Variants in ATP2C1 observed in about 807,000 individuals in gnomAD.
The protein encoded by ATP2C1 is ATPase secretory pathway Ca2+ transporting 1, also known as calcium-transporting ATPase type 2C member 1.
A neutral mutation model predicts 120.5 loss-of-function variants in ATP2C1; 31 were observed. The observed-to-expected ratio is 0.26, with a 90% confidence interval of 0.19 to 0.35. The LOEUF is 0.35. Ranked by LOEUF, ATP2C1 falls within the 10% of genes least tolerant of loss-of-function variation. The pLI is 1.00. For synonymous variants in ATP2C1, 351 were observed against 358.7 expected (o/e 0.98, Z 0.24); for missense variants, 731 against 1,107.5 (o/e 0.66, Z 4.83).
In ATP2C1 at chr3:130,970,403, C is replaced by CAG. The variant is rs1249965190; in HGVS notation, c.1413+1008_1413+1009insGA. ...ACACACACACACACACACACACACA[C>CAG]ACACCCTTAAACTTTCCTTCACTCT... On this transcript the variant is annotated intron_variant, in intron 17 of 27. Coordinates refer to ENST00000510168, the MANE Select transcript of ATP2C1 (RefSeq NM_001378687.1). Among the ~76,000 whole-genome samples, 4 of 151,506 alleles carry CAG rather than the reference C, an allele frequency of 2.6e-5. No individual in the cohort carries two copies. The East Asian group carries it at 7.7e-4, about 29-fold the overall frequency.
intron 2 of ATP2C1, among the ~76,000 whole-genome samples, chr3:130,919,462 G>A (rs993909983): frequency 6.6e-6 from 1 of 151,866 alleles, no homozygotes; most frequent in Non-Finnish European, 1.5e-5. Context: ...CAGGTGATCC[G>A]CCTGCCTCAG....
At chr3:130,926,432 T>C (rs1453537085) in intron 2 of ATP2C1, among the ~76,000 whole-genome samples, 1 of 152,226 alleles carries the variant, frequency 6.6e-6, no homozygotes, top group Non-Finnish European at 1.5e-5. Context: ...CTGGAAAGCC[T>C]AGGTGATACT....
intron 1 of ATP2C1, among the ~76,000 whole-genome samples, chr3:130,882,945 T>C (rs566355802): frequency 6.6e-6 from 1 of 152,314 alleles, no homozygotes; most frequent in South Asian, 2.1e-4. Context: ...CTTTAAATGT[T>C]TGGTAGAATT....
chr3:130,911,026 G>C lies in ATP2C1; in HGVS notation c.6+16251G>C, dbSNP rs374722611. 3.8e-3 allele frequency among the ~76,000 whole-genome samples: 570 copies of C among 151,576 alleles called. 3 individuals are homozygous for C. The highest frequency in any genetic ancestry group is 0.012 in the African/African-American group (508 of 41,112). ...TGGAATAGTTTCAGAAGGAATGGTA[G>C]CAGTTCCTCCTTGTACCTCTGATAG... On this transcript the variant is annotated intron_variant, in intron 2 of 27. Coordinates refer to ENST00000510168, the MANE Select transcript of ATP2C1 (RefSeq NM_001378687.1).
intron 26 of ATP2C1, among the ~76,000 whole-genome samples, chr3:130,998,839 C>A (rs2062753390): frequency 6.6e-6 from 1 of 152,132 alleles, no homozygotes; most frequent in Non-Finnish European, 1.5e-5. Flanking sequence ...TTTTGCTTTT[C>A]TTCCCTTGTT....
At chr3:130,948,158 T>G (rs745951421) in intron 8 of ATP2C1, among the ~76,000 whole-genome samples, 10 of 152,342 alleles carry the variant, frequency 6.6e-5, no homozygotes, top group Non-Finnish European at 1.5e-4. Context: ...GAATTCTTTA[T>G]GTCTTCATAT....
chr3:130,977,793 A>C (rs1300067838), intron 18 of ATP2C1, among the ~76,000 whole-genome samples: 1 of 152,150 alleles, frequency 6.6e-6, no homozygotes, highest in South Asian at 2.1e-4. Flanking sequence ...CTCCACTTCC[A>C]TCCTCCCCCT....
chr3:130,937,584 T>A (rs2059727081), intron 6 of ATP2C1, 121 bp downstream of exon 6: 1 of 833,442 alleles, frequency 1.2e-6, no homozygotes, highest in Admixed American at 2.0e-5. Context: ...ACTTATTCTT[T>A]GTTTTTCAAG....
chr3:131,002,223 C>T lies in ATP2C1; in HGVS notation c.*873C>T. ...TATACTTTGTCAAATATCATTTTGT[C>T]ATCCTCTAAATATAAATCCAAATAC... On this transcript the variant is annotated 3_prime_UTR_variant, in exon 28 of 28. Coordinates refer to ENST00000510168, the MANE Select transcript of ATP2C1 (RefSeq NM_001378687.1). 1.0e-6 allele frequency: 1 copy of T among 966,390 alleles called. No individual in the cohort carries two copies. The highest frequency in any genetic ancestry group is 4.8e-5 in the South Asian group (1 of 20,894). 59.9% of individuals were successfully genotyped at this position (966,390 alleles called of 1,614,324 possible).
downstream of ATP2C1, among the ~76,000 whole-genome samples, chr3:131,006,514 GTTACT>G (rs1488595932): frequency 6.6e-6 from 1 of 152,074 alleles, no homozygotes; most frequent in Non-Finnish European, 1.5e-5. Context: ...TTTGGACAGT[GTTACT>G]TTAAGTTGAA....
chr3:130,863,584 T>C (rs2068081301), intron 1 of ATP2C1, among the ~76,000 whole-genome samples: 1 of 152,230 alleles, frequency 6.6e-6, no homozygotes, highest in African/African-American at 2.4e-5. Context: ...TTTGCAATTA[T>C]AGTATAGTGA....
intron 5 of ATP2C1, 67 bp downstream of exon 5, chr3:130,934,778 T>C (rs951841129): frequency 7.1e-6 from 8 of 1,124,912 alleles, no homozygotes; most frequent in Non-Finnish European, 1.1e-5. Context: ...GTTTTTATTT[T>C]GGAAAATAAA....
At chr3:130,945,974 T>C (rs1301446023) in intron 8 of ATP2C1, among the ~76,000 whole-genome samples, 1 of 151,402 alleles carries the variant, frequency 6.6e-6, no homozygotes, top group African/African-American at 2.4e-5. Flanking sequence ...GAATAATACA[T>C]CGCTTGAAAT....
intron 20 of ATP2C1, among the ~76,000 whole-genome samples, chr3:130,989,693 G>A (rs905505590): frequency 2.0e-5 from 3 of 151,852 alleles, no homozygotes; most frequent in Non-Finnish European, 1.5e-5. Flanking sequence ...CTGTTGCTTC[G>A]TTCTTTTGTT....
At chr3:130,964,790 C>A (rs2060978717) in intron 13 of ATP2C1, among the ~76,000 whole-genome samples, 158 bp from the exon 14 acceptor site, 1 of 152,014 alleles carries the variant, frequency 6.6e-6, no homozygotes, top group Non-Finnish European at 1.5e-5. Flanking sequence ...TATGCTGAAA[C>A]AAGCATAATG....
intron 11 of ATP2C1, among the ~76,000 whole-genome samples, chr3:130,957,876 T>G (rs1397126577): frequency 4.6e-5 from 7 of 152,214 alleles, no homozygotes; most frequent in Admixed American, 4.6e-4. Flanking sequence ...CAATATTAGT[T>G]GAAATAACTT....
chr3:130,944,445 T>A (rs1256143854), intron 8 of ATP2C1, among the ~76,000 whole-genome samples: 1 of 152,206 alleles, frequency 6.6e-6, no homozygotes, highest in African/African-American at 2.4e-5. Flanking sequence ...TGAGGACTGT[T>A]GCTAGCTTGA....
chr3:131,010,187 C>T (rs1348469219), intron 26 of ATP2C1, among the ~76,000 whole-genome samples: 8 of 88,016 alleles, frequency 9.1e-5, no homozygotes, highest in African/African-American at 2.5e-4. Flanking sequence ...CTTTTTCTAT[C>T]TTTTTTTTTT....
At chr3:131,000,288 T>A (rs537505188) in intron 27 of ATP2C1, among the ~76,000 whole-genome samples, 1 of 152,210 alleles carries the variant, frequency 6.6e-6, no homozygotes, top group Non-Finnish European at 1.5e-5. Context: ...AAAGGAGTTA[T>A]ACAGTTTCAC....
Sources: allele counts gnomAD v4.1 joint callset (sites outside exome capture counted in the v4.1 genomes callset), GRCh38; gene constraint gnomAD v4.1.1; transcripts MANE v1.5; gene names NCBI Gene and HGNC (gene_info 2026-07-23, HGNC 2026-07-21).